TDO2: variants seen among roughly 807,000 people sequenced by gnomAD.
The protein encoded by TDO2 is tryptamin 2,3-dioxygenase.
TDO2 carries 63 observed loss-of-function variants against 61.2 expected under a neutral mutation model. The ratio of observed to expected loss-of-function variants is 1.03; its 90% CI spans 0.84 to 1.27. TDO2 has a LOEUF of 1.27. TDO2 is among the 50% of genes most tolerant of loss of function. The pLI, the probability that TDO2 is intolerant of heterozygous loss-of-function variation, is 0.00. For missense variants in TDO2, 494 were observed against 469.5 expected, an observed-to-expected ratio of 1.05 and a Z score of -0.48; for synonymous variants, 183 against 164.0, an observed-to-expected ratio of 1.12 and a Z score of -0.89.
intron 4 of TDO2, among the ~76,000 whole-genome samples, chr4:155,908,027 C>T (rs932732441): frequency 6.6e-6 from 1 of 152,182 alleles, no homozygotes; most frequent in Non-Finnish European, 1.5e-5. Flanking sequence ...TTGTTTAGAA[C>T]TCATTTCCAC....
In TDO2 at chr4:155,905,100, AG is replaced by A. The variant is rs1560774539; in HGVS notation, c.176del (p.Ser59MetfsTer16). The A allele has an allele frequency of 1.2e-6, 2 of 1,600,998 alleles. No homozygotes were observed. Among genetic ancestry groups the A allele is most frequent in the Non-Finnish European group, 1.7e-6 (2 of 1,174,770 alleles). On this transcript the variant is annotated frameshift_variant, in exon 3 of 12. Coordinates refer to ENST00000536354, the MANE Select transcript of TDO2 (RefSeq NM_005651.4). LOFTEE classifies it high-confidence loss of function. ...EKVLNAQELQSETKGNKIHDE... is the reference protein window; with the variant it reads ...EKVLNAQELQXETKGNKIHDE... ...AGTTTTGAATGCACAAGAACTGCAA[AG>A]TGAAACAAAAGGAAATAAAATCCAT...
Position 155,914,433 on chromosome 4 carries a change from A to G in TDO2, c.837A>G (p.Lys279=). 1 of 1,578,162 alleles carries G rather than the reference A, an allele frequency of 6.3e-7. No individual in the cohort carries two copies. Among genetic ancestry groups the G allele is most frequent in the Non-Finnish European group, 8.6e-7 (1 of 1,168,678 alleles). ...AACGTCATGAACATCTCCTTAGTAA[A>G]GGCAGGTATTTTTACTTTATGAATC... is the stretch of plus-strand genomic sequence containing the variant. ...DEKRHEHLLS[K]GERRLSYRAL... is the part of the protein sequence containing the mutation. Residue 279 remains lysine, a splice_region_variant and synonymous_variant, in exon 8 of 12, where the codon AAA becomes AAG. Coordinates refer to ENST00000536354, the MANE Select transcript of TDO2 (RefSeq NM_005651.4).
In TDO2 at chr4:155,919,706, T is replaced by C. The variant is rs555786497; in HGVS notation, c.1068-131T>C. ...AATACCTAATTTAATATATGATATA[T>C]ACAACATGCAATATATATTATAATA... On this transcript the variant is annotated intron_variant, in intron 11 of 11. Transcript: ENST00000536354. 462 of 728,212 alleles carry C rather than the reference T, an allele frequency of 6.3e-4. 1 individual carries two copies. The highest frequency in any genetic ancestry group is 1.8e-3 in the Admixed American group (58 of 31,614). The allele number at this position is 728,212 out of a possible 1,614,324, so 45.1% of individuals were successfully genotyped here.
chr4:155,905,469 A>T (rs1232106272), intron 3 of TDO2: 1 of 241,054 alleles, frequency 4.1e-6, no homozygotes, highest in Admixed American at 5.8e-5. Context: ...CTCACTTCGG[A>T]ACACTAAAAA....
At chr4:155,910,310 A>G in intron 6 of TDO2, 99 bp downstream of exon 6, 2 of 819,452 alleles carry the variant, frequency 2.4e-6, no homozygotes, top group South Asian at 3.9e-5. Flanking sequence ...AAACTGAGTT[A>G]CATTCAGTGG....
At chr4:155,908,786 C>T in intron 4 of TDO2, 101 bp from the exon 5 acceptor site, 1 of 1,416,782 alleles carries the variant, frequency 7.1e-7, no homozygotes, top group Non-Finnish European at 9.3e-7. Flanking sequence ...CCTTTAAAAC[C>T]AAATTAGAGA....
Position 155,918,143 on chromosome 4 carries a change from G to A in TDO2, c.977-6G>A. The A allele has an allele frequency of 6.2e-7, 1 of 1,612,538 alleles. No homozygotes were observed. Among genetic ancestry groups the A allele is most frequent in the Non-Finnish European group, 8.5e-7 (1 of 1,179,458 alleles). ...ATCCATGGAGTAAATTTGTATGTTTGCCTAGATAACCATGTGTGCATGGTG... is the reference window on the plus strand; with the variant it reads ...ATCCATGGAGTAAATTTGTATGTTTACCTAGATAACCATGTGTGCATGGTG... On this transcript the variant is annotated splice_polypyrimidine_tract_variant and splice_region_variant and intron_variant, in intron 10 of 11. Coordinates refer to ENST00000536354, the MANE Select transcript of TDO2 (RefSeq NM_005651.4).
chr4:155,909,087 T>C (rs2110869671), intron 5 of TDO2, 73 bp downstream of exon 5: 5 of 1,441,794 alleles, frequency 3.5e-6, no homozygotes, highest in Admixed American at 4.9e-5. Context: ...AAGCAGCATG[T>C]GTGTGTTTTG....
rs375843544 is a variant in TDO2, at chr4:155,918,199, G to A, written c.1027G>A (p.Gly343Ser). ...AATGCTGGGCAGCAAAGCTGGCACC[G>A]GTGGTTCCTCAGGCTATCACTACCT... Reference protein sequence around the residue: ...HRMLGSKAGTGGSSGYHYLRS... With the variant: ...HRMLGSKAGTSGSSGYHYLRS... Residue 343 changes from glycine (G) to serine (S), a missense_variant, in exon 11 of 12, where the codon GGT becomes AGT. Physicochemically the swap from Gly to Ser is moderately conservative, Grantham distance 56. Coordinates refer to ENST00000536354, the MANE Select transcript of TDO2 (RefSeq NM_005651.4). The A allele has an allele frequency of 3.1e-5, 50 of 1,613,946 alleles. No individual in the cohort carries two copies. The highest frequency in any genetic ancestry group is 4.5e-5 in the East Asian group (2 of 44,886).
intron 7 of TDO2, among the ~76,000 whole-genome samples, chr4:155,912,298 T>C (rs1288408741): frequency 6.6e-6 from 1 of 152,166 alleles, no homozygotes; most frequent in Non-Finnish European, 1.5e-5. Context: ...AAGATTATTA[T>C]GAACAGGAAA....
intron 7 of TDO2, 40 bp downstream of exon 7, chr4:155,911,644 A>G (rs1742833778): frequency 7.7e-7 from 1 of 1,293,128 alleles, no homozygotes; most frequent in South Asian, 1.7e-5. Context: ...TCAATACAGA[A>G]ATATTCAAAA....
rs770311525 is a variant in TDO2, at chr4:155,911,589, A to T, written c.711A>T (p.Glu237Asp). ...ATATCACCAGAGGCCTGGAAGAGGA[A>T]TTCATAAGGATTCAGGTATTTAGAT... ...EKNITRGLEE[E>D]FIRIQAKEES... is the part of the protein sequence containing the mutation. Residue 237 changes from glutamate to aspartate, a missense_variant, in exon 7 of 12, where the codon GAA becomes GAT. Transcript: ENST00000536354. 2.5e-6 allele frequency: 4 copies of T among 1,584,966 alleles called. No homozygotes were observed. The Admixed American group carries it at 7.0e-5, about 28-fold the overall frequency.
chr4:155,910,236 G>T (rs751661404), intron 6 of TDO2, 25 bp downstream of exon 6: 1 of 1,514,992 alleles, frequency 6.6e-7, no homozygotes, highest in Non-Finnish European at 8.8e-7. Flanking sequence ...AATTTATAAA[G>T]TTTAACTCAA....
intron 3 of TDO2, chr4:155,906,641 G>A (rs1742723716): frequency 6.6e-6 from 1 of 152,124 alleles, no homozygotes; most frequent in Admixed American, 6.5e-5. Flanking sequence ...AAAAATGGAT[G>A]AGTATGAGTA....
At position 155,908,956 on chromosome 4, in the gene TDO2, C is replaced by G. The variant is rs761474566; in HGVS notation, c.373C>G (p.Leu125Val). 1.2e-6 allele frequency: 2 copies of G among 1,613,242 alleles called. No individual in the cohort carries two copies. Among genetic ancestry groups the G allele is most frequent in the East Asian group, 4.5e-5 (2 of 44,810 alleles). ...MHRVSVILKL[L>V]VQQFSILETM... Reference sequence around the variant, plus strand: ...CCGAGTGTCAGTGATCCTGAAACTGCTGGTGCAGCAGTTTTCCATTCTGGA... The same window carrying G: ...CCGAGTGTCAGTGATCCTGAAACTGGTGGTGCAGCAGTTTTCCATTCTGGA... The change falls in exon 5 of 12, where the codon CTG (leucine) becomes GTG (valine). Residue 125 changes from leucine to valine, a missense_variant. By Grantham distance (32) the Leu-to-Val change is conservative (BLOSUM62 1). Transcript: ENST00000536354.
chr4:155,909,974 T>C, intron 5 of TDO2, 51 bp from the exon 6 acceptor site: 2 of 640,580 alleles, frequency 3.1e-6, no homozygotes, highest in Non-Finnish European at 4.4e-6. Context: ...GCTCTTCTCC[T>C]CTCCTCTCTT....
chr4:155,914,530 A>G, intron 8 of TDO2, 96 bp downstream of exon 8: 1 of 830,670 alleles, frequency 1.2e-6, no homozygotes, highest in Non-Finnish European at 1.7e-6. Flanking sequence ...CTTGGGAGAA[A>G]TAGAATGAAA....
At chr4:155,915,565 T>A (rs575198126) in intron 8 of TDO2, among the ~76,000 whole-genome samples, 1 of 152,216 alleles carries the variant, frequency 6.6e-6, no homozygotes, top group Non-Finnish European at 1.5e-5. Context: ...AATTTTATTA[T>A]GAAAGTCAAG....
At chr4:155,909,072 G>C (rs1378698961) in intron 5 of TDO2, 58 bp downstream of exon 5, 5 of 1,499,712 alleles carry the variant, frequency 3.3e-6, no homozygotes, top group Non-Finnish European at 4.4e-6. Flanking sequence ...ATTTTGGTGG[G>C]GTAAAAGCAG....
Sources: gnomAD v4.1 joint callset for allele counts (sites outside exome capture counted in the v4.1 genomes callset) on GRCh38, gnomAD v4.1.1 for gene constraint, MANE v1.5 for transcripts, NCBI Gene and HGNC (gene_info 2026-07-23, HGNC 2026-07-21) for gene names.